The following CRACR2A variants were observed in gnomAD, a reference collection of about 807,000 sequenced individuals.
CRACR2A encodes the protein calcium release activated channel regulator 2A.
In CRACR2A, 79 loss-of-function variants were observed where a neutral mutation model predicts 90.5. The ratio of observed to expected loss-of-function variants is 0.87; its 90% CI spans 0.73 to 1.05. The LOEUF (loss-of-function observed/expected upper bound fraction) is 1.05. Ranked by LOEUF, CRACR2A falls within the 50% of genes least tolerant of loss-of-function variation. The pLI is 0.00. For synonymous variants in CRACR2A, 338 were observed against 356.7 expected (o/e 0.95, Z 0.59); for missense variants, 823 against 897.2 (o/e 0.92, Z 1.06).
At chr12:3,716,148 C>A (rs758570158) in intron 2 of CRACR2A, among the ~76,000 whole-genome samples, 20 of 150,274 alleles carry the variant, frequency 1.3e-4, no homozygotes, top group Non-Finnish European at 2.7e-4. Context: ...TGTTATTGTT[C>A]TTTGGCTCTT....
rs1388361750 is a variant in CRACR2A, at chr12:3,718,169, C to A, written c.-117-4852G>T. On this transcript the variant is annotated intron_variant, in intron 2 of 19. Coordinates refer to ENST00000440314, the MANE Select transcript of CRACR2A (RefSeq NM_001144958.2). Reference sequence around the variant, plus strand: ...GAAAGTGCTTAGCACAGGGTATGACCCATACTTAGTGCTTTAAGTGCTAAT... The same window carrying A: ...GAAAGTGCTTAGCACAGGGTATGACACATACTTAGTGCTTTAAGTGCTAAT... Among the ~76,000 whole-genome samples the A allele has an allele frequency of 2.0e-5, 3 of 152,176 alleles. No homozygotes were observed. In the South Asian group the frequency reaches 6.2e-4, roughly 32 times the overall value.
intron 7 of CRACR2A, 138 bp from the exon 8 acceptor site, chr12:3,659,792 A>C: frequency 3.0e-6 from 2 of 670,500 alleles, no homozygotes; most frequent in Middle Eastern, 3.5e-4. Context: ...AGCCAACGCT[A>C]TAAGATCAGT....
At chr12:3,745,432 G>T (rs1285697082) in intron 1 of CRACR2A, among the ~76,000 whole-genome samples, 1 of 152,056 alleles carries the variant, frequency 6.6e-6, no homozygotes, top group African/African-American at 2.4e-5. Flanking sequence ...CACAAAACCT[G>T]CCTTGGGAAG....
intron 4 of CRACR2A, among the ~76,000 whole-genome samples, chr12:3,694,454 T>C (rs981605879): frequency 5.9e-5 from 9 of 152,160 alleles, no homozygotes; most frequent in African/African-American, 2.2e-4. Context: ...CCAGTTCCCA[T>C]GAGGCTGTGC....
chr12:3,735,228 G>A (rs775485509), intron 1 of CRACR2A, among the ~76,000 whole-genome samples: 2 of 152,166 alleles, frequency 1.3e-5, no homozygotes, highest in Non-Finnish European at 2.9e-5. Flanking sequence ...GGAAGAAAAT[G>A]AAGCCCTGCG....
At chr12:3,674,855 T>A (rs1945311894) in intron 6 of CRACR2A, among the ~76,000 whole-genome samples, 1 of 152,260 alleles carries the variant, frequency 6.6e-6, no homozygotes, top group African/African-American at 2.4e-5. Flanking sequence ...ATTCACTCTG[T>A]GTCTTAATCT....
chr12:3,632,672 C>G (rs1944395655), intron 15 of CRACR2A, among the ~76,000 whole-genome samples: 1 of 152,190 alleles, frequency 6.6e-6, no homozygotes, highest in Non-Finnish European at 1.5e-5. Context: ...TGTGAACAAG[C>G]CTCTAACCTC....
intron 6 of CRACR2A, among the ~76,000 whole-genome samples, chr12:3,677,764 C>T (rs1045848469): frequency 3.3e-5 from 5 of 152,196 alleles, no homozygotes; most frequent in Non-Finnish European, 1.5e-5. Context: ...CCCTTCCAGG[C>T]CTTCAGCAAA....
rs184502575 is a variant in CRACR2A, at chr12:3,627,430, G to A, written c.1932+6C>T. On this transcript the variant is annotated splice_donor_region_variant and intron_variant, in intron 17 of 19. Coordinates refer to ENST00000440314, the MANE Select transcript of CRACR2A (RefSeq NM_001144958.2). ...CTAAATGCTCCTAGGAAGGTCGCCAGCTCACCTCCACGCTGCTCAGCCACC... is the reference window on the plus strand; with the variant it reads ...CTAAATGCTCCTAGGAAGGTCGCCAACTCACCTCCACGCTGCTCAGCCACC... 1.3e-6 allele frequency: 2 copies of A among 1,550,014 alleles called. No individual in the cohort carries two copies. The highest frequency in any genetic ancestry group is 2.4e-5 in the East Asian group (1 of 40,930).
rs532712471 is a variant in CRACR2A, at chr12:3,640,838, A to G, written c.1271+894T>C. ...TGGGCAGGGGACTGGTTTGTCTCTC[A>G]ATGAGCAATGAGCCAACCCTTGGGT... On this transcript the variant is annotated intron_variant, in intron 13 of 19. Coordinates refer to ENST00000440314, the MANE Select transcript of CRACR2A (RefSeq NM_001144958.2). The G allele has an allele frequency of 8.7e-4, 1,134 of 1,298,270 alleles. 1 individual carries two copies. Among genetic ancestry groups the G allele is most frequent in the Non-Finnish European group, 1.0e-3 (997 of 984,484 alleles). The allele number at this position is 1,298,270 out of a possible 1,614,324, so 80.4% of individuals were successfully genotyped here.
intron 3 of CRACR2A, among the ~76,000 whole-genome samples, chr12:3,698,996 G>A (rs917903940): frequency 8.5e-5 from 13 of 152,162 alleles, no homozygotes; most frequent in Admixed American, 6.5e-4. Context: ...AATAATATCT[G>A]TCATTCCTTG....
chr12:3,716,239 C>T (rs1462134995), intron 2 of CRACR2A, among the ~76,000 whole-genome samples: 1 of 152,150 alleles, frequency 6.6e-6, no homozygotes, highest in African/African-American at 2.4e-5. Context: ...TCCACATTTG[C>T]TTTAACTGGG....
intron 1 of CRACR2A, among the ~76,000 whole-genome samples, chr12:3,736,330 A>G (rs1470362189): frequency 2.0e-5 from 3 of 151,482 alleles, no homozygotes; most frequent in African/African-American, 7.3e-5. Flanking sequence ...TGACTCCATG[A>G]CATCTAGCTT....
At chr12:3,709,756 G>A (rs530390520) in intron 3 of CRACR2A, among the ~76,000 whole-genome samples, 17 of 152,234 alleles carry the variant, frequency 1.1e-4, no homozygotes, top group Non-Finnish European at 2.5e-4. Flanking sequence ...TGGCCTGGGC[G>A]ACAGAGCGAG....
At chr12:3,718,156 C>G (rs1319526194) in intron 2 of CRACR2A, among the ~76,000 whole-genome samples, 2 of 152,226 alleles carry the variant, frequency 1.3e-5, no homozygotes, top group East Asian at 3.8e-4. Context: ...AAGTGCTTAG[C>G]ACAGGGTATG....
intron 1 of CRACR2A, among the ~76,000 whole-genome samples, chr12:3,734,260 A>G (rs967622287): frequency 6.2e-5 from 9 of 145,998 alleles, no homozygotes; most frequent in African/African-American, 2.2e-4. Context: ...TACAGGTATG[A>G]GCCACCCCAC....
At chr12:3,626,966 T>C (rs1406153209) in intron 17 of CRACR2A, among the ~76,000 whole-genome samples, 1 of 151,946 alleles carries the variant, frequency 6.6e-6, no homozygotes, top group Non-Finnish European at 1.5e-5. Flanking sequence ...CCCCAAACAT[T>C]GCATGGTGTG....
chr12:3,749,300 A>G (rs1049344927), intron 1 of CRACR2A, among the ~76,000 whole-genome samples: 6 of 151,334 alleles, frequency 4.0e-5, no homozygotes, highest in African/African-American at 1.5e-4. Context: ...TCCCCCTTTC[A>G]CTCCCGGCAG....
At position 3,616,976 on chromosome 12, in the gene CRACR2A, CT is replaced by C; in HGVS notation, c.2088del (p.Glu697SerfsTer17). The C allele has an allele frequency of 6.4e-7, 1 of 1,551,574 alleles. No individual in the cohort carries two copies. The highest frequency in any genetic ancestry group is 1.2e-5 in the South Asian group (1 of 84,066). On this transcript the variant is annotated frameshift_variant, in exon 19 of 20. Transcript: ENST00000440314. LOFTEE classifies it high-confidence loss of function. The part of the protein sequence containing the change: ...ECSAYSGHNT[K>X]ESLLHLARFL... Reference sequence around the variant, plus strand: ...TACCTGGCCAGATGGAGCAGGGACTCTTTGGTGTTGTGACCAGAGTAGGCGC... The same window carrying C: ...TACCTGGCCAGATGGAGCAGGGACTCTTGGTGTTGTGACCAGAGTAGGCGC...
Sources: allele counts gnomAD v4.1 joint callset (sites outside exome capture counted in the v4.1 genomes callset), GRCh38; gene constraint gnomAD v4.1.1; transcripts MANE v1.5; gene names NCBI Gene and HGNC (gene_info 2026-07-23, HGNC 2026-07-21).